The following CDH18 variants were observed in gnomAD, a reference collection of about 807,000 sequenced individuals.
The protein encoded by CDH18 is cadherin-18.
Under a neutral mutation model 67.9 loss-of-function variants are expected in CDH18, and 31 were observed. That is an observed-to-expected ratio of 0.46 (90% CI 0.34 to 0.62). The LOEUF is 0.62. Ranked by LOEUF, CDH18 falls within the 20% of genes least tolerant of loss-of-function variation. The pLI is 0.01. For synonymous variants in CDH18, 362 were observed against 347.2 expected (o/e 1.04, Z -0.48); for missense variants, 890 against 975.5 (o/e 0.91, Z 1.17).
intron 3 of CDH18, among the ~76,000 whole-genome samples, chr5:19,754,440 G>C (rs562154575): frequency 1.5e-4 from 23 of 152,246 alleles, no homozygotes; most frequent in African/African-American, 4.6e-4. Context: ...AATGATAAAA[G>C]GCCTTGTCCA....
intron 1 of CDH18, among the ~76,000 whole-genome samples, chr5:20,508,911 C>T (rs1242358233): frequency 1.3e-5 from 2 of 152,026 alleles, no homozygotes; most frequent in African/African-American, 4.8e-5. Flanking sequence ...AAGTCACACC[C>T]TCCTAATGTC....
intron 5 of CDH18, among the ~76,000 whole-genome samples, chr5:19,621,859 C>T (rs1319590494): frequency 6.6e-6 from 1 of 152,120 alleles, no homozygotes; most frequent in Admixed American, 6.6e-5. Context: ...TAAAATAAAA[C>T]AGTAAATAAT....
At chr5:20,208,243 A>G (rs549847103) in intron 2 of CDH18, among the ~76,000 whole-genome samples, 8 of 152,220 alleles carry the variant, frequency 5.3e-5, no homozygotes, top group African/African-American at 1.9e-4. Flanking sequence ...GGGAACTGTC[A>G]AACATTTATA....
chr5:19,578,871 T>G (rs1426987570), intron 7 of CDH18, among the ~76,000 whole-genome samples: 1 of 151,962 alleles, frequency 6.6e-6, no homozygotes, highest in Non-Finnish European at 1.5e-5. Context: ...CATTTTCAGT[T>G]TAAGGTCATT....
chr5:20,467,368 C>T (rs10038523), intron 1 of CDH18, among the ~76,000 whole-genome samples: 43,197 of 151,916 alleles, frequency 0.28, 6,421 homozygotes, highest in East Asian at 0.39. Flanking sequence ...AAATGTGCTT[C>T]CTTCACTTAG....
At position 19,854,939 on chromosome 5, in the gene CDH18, G is replaced by GT. The variant is rs368861040; in HGVS notation, c.-256-15698dup. On this transcript the variant is annotated intron_variant, in intron 2 of 12. Transcript: ENST00000382275. Reference sequence around the variant, plus strand: ...GCTACTCCCTATCTCCATGAGTTCAGTTTTGTTTTTTTTTTTCTAGTTCCC... The same window carrying GT: ...GCTACTCCCTATCTCCATGAGTTCAGTTTTTGTTTTTTTTTTTCTAGTTCCC... Among the ~76,000 whole-genome samples, 231 of 136,436 alleles carry GT rather than the reference G, an allele frequency of 1.7e-3. 2 individuals are homozygous for GT. Among genetic ancestry groups the GT allele is most frequent in the Non-Finnish European group, 2.6e-3 (165 of 62,642 alleles). 89.5% of individuals were successfully genotyped at this position (136,436 alleles called of 152,430 possible).
chr5:19,933,937 C>A (rs1165088912), intron 2 of CDH18, among the ~76,000 whole-genome samples: 1 of 151,254 alleles, frequency 6.6e-6, no homozygotes, highest in Non-Finnish European at 1.5e-5. Context: ...TTGGATCTAT[C>A]CCTTGAACTA....
intron 2 of CDH18, among the ~76,000 whole-genome samples, chr5:20,003,247 C>T (rs1736592776): frequency 6.6e-6 from 1 of 152,042 alleles, no homozygotes; most frequent in Non-Finnish European, 1.5e-5. Context: ...TTCAAATCTG[C>T]AAACTTTATT....
intron 2 of CDH18, among the ~76,000 whole-genome samples, chr5:20,242,801 T>C (rs536755001): frequency 2.6e-4 from 39 of 151,570 alleles, no homozygotes; most frequent in African/African-American, 8.5e-4. Flanking sequence ...CATGATCCCA[T>C]AACAATATTT....
intron 2 of CDH18, among the ~76,000 whole-genome samples, chr5:20,085,402 AATTC>A (rs1744855369): frequency 2.0e-5 from 3 of 152,230 alleles, no homozygotes; most frequent in Non-Finnish European, 2.9e-5. Context: ...ATCCCTAGGA[AATTC>A]CAAAATTTCC....
intron 2 of CDH18, among the ~76,000 whole-genome samples, chr5:19,958,840 T>A (rs1418012404): frequency 6.6e-6 from 1 of 152,070 alleles, no homozygotes; most frequent in East Asian, 1.9e-4. Flanking sequence ...TGGAGAATGT[T>A]TGGACTTCCA....
intron 1 of CDH18, among the ~76,000 whole-genome samples, chr5:20,556,135 T>C (rs1757894693): frequency 6.6e-6 from 1 of 152,160 alleles, no homozygotes; most frequent in African/African-American, 2.4e-5. Context: ...TAATAGAATA[T>C]TGCATAGCTG....
chr5:20,454,422 A>G (rs1244452061), intron 1 of CDH18, among the ~76,000 whole-genome samples: 3 of 152,154 alleles, frequency 2.0e-5, no homozygotes, highest in Non-Finnish European at 4.4e-5. Flanking sequence ...AAATATTAAT[A>G]CAGGTTAAAA....
intron 1 of CDH18, among the ~76,000 whole-genome samples, chr5:20,326,959 G>A (rs1247560234): frequency 6.6e-6 from 1 of 152,102 alleles, no homozygotes; most frequent in South Asian, 2.1e-4. Flanking sequence ...TGTCATAGAC[G>A]GGTGAATGTA....
At chr5:19,994,033 A>C (rs548869220) in intron 2 of CDH18, among the ~76,000 whole-genome samples, 17 of 152,146 alleles carry the variant, frequency 1.1e-4, no homozygotes, top group Non-Finnish European at 2.2e-4. Flanking sequence ...CTGTTGGAGA[A>C]AATGCTTTCT....
At chr5:20,455,180 C>T (rs750716752) in intron 1 of CDH18, among the ~76,000 whole-genome samples, 3 of 151,902 alleles carry the variant, frequency 2.0e-5, no homozygotes, top group Admixed American at 6.6e-5. Flanking sequence ...TCATTAAGAA[C>T]GAGCTGATGG....
intron 3 of CDH18, among the ~76,000 whole-genome samples, chr5:19,804,501 T>A (rs1250451011): frequency 1.3e-5 from 2 of 152,230 alleles, no homozygotes; most frequent in African/African-American, 4.8e-5. Flanking sequence ...CGAGGGTTGG[T>A]CAAAATCCCA....
intron 8 of CDH18, among the ~76,000 whole-genome samples, chr5:19,550,532 C>G (rs532855558): frequency 9.5e-4 from 144 of 151,688 alleles, no homozygotes; most frequent in East Asian, 2.3e-3. Context: ...TTTGTCCTTG[C>G]GATAGTTTGC....
At chr5:19,798,968 C>G (rs902150358) in intron 3 of CDH18, among the ~76,000 whole-genome samples, 1 of 151,982 alleles carries the variant, frequency 6.6e-6, no homozygotes, top group African/African-American at 2.4e-5. Flanking sequence ...TATATTAATA[C>G]TACATTTTCT....
Sources: allele counts gnomAD v4.1 joint callset (sites outside exome capture counted in the v4.1 genomes callset), GRCh38; gene constraint gnomAD v4.1.1; transcripts MANE v1.5; gene names NCBI Gene and HGNC (gene_info 2026-07-23, HGNC 2026-07-21).